The following SH3KBP1 variants were observed in gnomAD, a reference collection of about 807,000 sequenced individuals.
SH3KBP1 encodes the protein SH3 domain containing kinase binding protein 1.
SH3KBP1 carries 8 observed loss-of-function variants against 50.1 expected under a neutral mutation model. The ratio of observed to expected loss-of-function variants is 0.16; its 90% CI spans 0.09 to 0.29. The LOEUF is 0.29. Among genes scored for constraint, SH3KBP1 ranks in the 10% least tolerant of loss-of-function variants. The pLI, the probability that SH3KBP1 is intolerant of heterozygous loss-of-function variation, is 1.00. For synonymous variants in SH3KBP1, 227 were observed against 218.6 expected (o/e 1.04, Z -0.34); for missense variants, 377 against 535.2 (o/e 0.70, Z 2.92).
chrX:19,584,731 T>C (rs2147947465), intron 12 of SH3KBP1, among the ~76,000 whole-genome samples: 1 of 111,914 alleles, frequency 8.9e-6, no homozygotes, highest in Non-Finnish European at 1.9e-5. Context: ...TGTTAGCTCC[T>C]GTTTAAAGAG....
At chrX:19,717,239 T>C (rs1413852305) in intron 3 of SH3KBP1, among the ~76,000 whole-genome samples, 1 of 111,851 alleles carries the variant, frequency 8.9e-6, no homozygotes, top group African/African-American at 3.3e-5. Flanking sequence ...GACCTTCTCT[T>C]ACTTGTCCTT....
chrX:19,871,120 A>G (rs1242698428), intron 1 of SH3KBP1, among the ~76,000 whole-genome samples: 1 of 112,533 alleles, frequency 8.9e-6, no homozygotes, highest in Admixed American at 9.4e-5. Flanking sequence ...TTTTGCTAAA[A>G]TTTATATCTT....
In SH3KBP1 at chrX:19,720,388, A is replaced by C. The variant is rs374762555; in HGVS notation, c.287-13404T>G. 3.3e-4 allele frequency among the ~76,000 whole-genome samples: 37 copies of C among 111,295 alleles called. No individual in the cohort carries two copies. In the East Asian group the frequency reaches 5.1e-3, roughly 15 times the overall value. ...GAGAGGGAGTCTGGATTTTCAGAGG[A>C]GAAAATCCAATACGTAAAGCACACT... On this transcript the variant is annotated intron_variant, in intron 3 of 17. Transcript: ENST00000397821.
intron 8 of SH3KBP1, among the ~76,000 whole-genome samples, chrX:19,609,871 C>G (rs5909321): frequency 0.22 from 24,614 of 111,440 alleles, 2,148 homozygotes; most frequent in African/African-American, 0.3. Context: ...CAGTCCAATA[C>G]TTGAATTACT....
chrX:19,739,329 A>G (rs756351935), intron 3 of SH3KBP1, among the ~76,000 whole-genome samples: 6 of 112,423 alleles, frequency 5.3e-5, no homozygotes, highest in Non-Finnish European at 1.1e-4. Flanking sequence ...ACAACAATGA[A>G]GCCAAAAAGT....
chrX:19,849,414 T>C (rs1208213021), intron 1 of SH3KBP1, among the ~76,000 whole-genome samples: 1 of 109,814 alleles, frequency 9.1e-6, no homozygotes, highest in African/African-American at 3.3e-5. Flanking sequence ...AGAGGCCAGG[T>C]GCGGTAGCTC....
intron 2 of SH3KBP1, among the ~76,000 whole-genome samples, chrX:19,810,781 A>T (rs1432980037): frequency 8.9e-6 from 1 of 112,121 alleles, no homozygotes; most frequent in African/African-American, 3.2e-5. Flanking sequence ...TCAGAGGCTA[A>T]AAAAGGAGTG....
At chrX:19,683,268 CAG>C in intron 6 of SH3KBP1, 1 of 356,254 alleles carries the variant, frequency 2.8e-6, no homozygotes, top group South Asian at 2.5e-5. Context: ...AGGAAACAGC[CAG>C]CTTCCTGAAG....
rs1291891311 is a variant in SH3KBP1 at position 19,746,537 on chromosome X, T to C, written c.163-96A>G. ...GCTCCATCTTTCTGGAAATGAACTA[T>C]AGCAATGCCAACTTAGCATAACATC... On this transcript the variant is annotated intron_variant, in intron 2 of 17. Coordinates refer to ENST00000397821, the MANE Select transcript of SH3KBP1 (RefSeq NM_031892.3). 6 of 795,492 alleles carry C rather than the reference T, an allele frequency of 7.5e-6. No homozygotes were observed. In the African/African-American group the frequency reaches 8.5e-5, roughly 11 times the overall value. 65.6% of individuals were successfully genotyped at this position (795,492 alleles called of 1,213,427 possible). A position where few individuals can be genotyped will look rare whatever the true frequency, so the allele number is the denominator to read the frequency against.
At chrX:19,576,677 C>T (rs2066209531) in intron 12 of SH3KBP1, among the ~76,000 whole-genome samples, 1 of 112,094 alleles carries the variant, frequency 8.9e-6, no homozygotes. Flanking sequence ...TCCTGGCCTC[C>T]AGCAGTCCTC....
intron 3 of SH3KBP1, among the ~76,000 whole-genome samples, chrX:19,726,045 T>G (rs2148744794): frequency 8.9e-6 from 1 of 111,923 alleles, no homozygotes; most frequent in Admixed American, 9.5e-5. Context: ...GTATGCTTCA[T>G]GGCATTAGCT....
intron 6 of SH3KBP1, among the ~76,000 whole-genome samples, chrX:19,656,867 A>G (rs1350342978): frequency 1.8e-5 from 2 of 112,352 alleles, no homozygotes; most frequent in African/African-American, 6.5e-5. Context: ...CCTGACACAT[A>G]TGAAAAAGCA....
chrX:19,600,752 G>C (rs927989283), intron 9 of SH3KBP1, among the ~76,000 whole-genome samples: 3 of 111,627 alleles, frequency 2.7e-5, no homozygotes, highest in African/African-American at 9.8e-5. Context: ...AGAGGCACTT[G>C]TTCTGTTTAT....
chrX:19,661,596 A>T (rs1334866832), intron 6 of SH3KBP1, among the ~76,000 whole-genome samples: 32 of 61,167 alleles, frequency 5.2e-4, no homozygotes, highest in African/African-American at 7.3e-4. Context: ...CAAACTAGTT[A>T]TTACTTTTAA....
At chrX:19,788,019 G>A (rs774332659) in intron 2 of SH3KBP1, among the ~76,000 whole-genome samples, 2 of 111,415 alleles carry the variant, frequency 1.8e-5, no homozygotes, top group South Asian at 3.7e-4. Context: ...TGAATATGAC[G>A]TTATTTAGAC....
chrX:19,678,327 A>C, intron 6 of SH3KBP1, among the ~76,000 whole-genome samples: 2 of 109,399 alleles, frequency 1.8e-5, no homozygotes, highest in Middle Eastern at 9.4e-3. Flanking sequence ...ATTCAATGCA[A>C]TCTCAATCAA....
At chrX:19,707,306 T>A (rs183987571) in intron 3 of SH3KBP1, among the ~76,000 whole-genome samples, 6 of 112,051 alleles carry the variant, frequency 5.4e-5, no homozygotes, top group African/African-American at 1.6e-4. Context: ...TGGGGCTTTG[T>A]ATTTGCTGCT....
At chrX:19,645,618 G>T in intron 6 of SH3KBP1, 143 bp from the exon 7 acceptor site, 1 of 451,262 alleles carries the variant, frequency 2.2e-6, no homozygotes, top group Admixed American at 4.1e-5. Context: ...TCTGTATACT[G>T]GCTGCCCCCC....
intron 9 of SH3KBP1, among the ~76,000 whole-genome samples, chrX:19,603,707 A>G (rs1287023810): frequency 8.9e-6 from 1 of 111,764 alleles, no homozygotes; most frequent in Non-Finnish European, 1.9e-5. Flanking sequence ...TTTTTTTTTG[A>G]GACAGGGTCT....
Sources: allele counts gnomAD v4.1 joint callset (sites outside exome capture counted in the v4.1 genomes callset), GRCh38; gene constraint gnomAD v4.1.1; transcripts MANE v1.5; gene names NCBI Gene and HGNC (gene_info 2026-07-23, HGNC 2026-07-21).